The following ZNF600 variants were observed in gnomAD, a reference collection of about 807,000 sequenced individuals.
ZNF600 encodes the protein zinc finger protein 600.
ZNF600 carries 4 observed loss-of-function variants against 7.3 expected under a neutral mutation model. The observed-to-expected ratio is 0.55, with a 90% CI of 0.27 to 1.25. ZNF600 has a LOEUF of 1.25. Among genes scored for constraint, ZNF600 ranks in the 50% most tolerant of loss-of-function variants. The probability of loss-of-function intolerance (pLI) is 0.12; values close to 1 mark genes in which losing one functional copy is unlikely to be tolerated. For synonymous variants in ZNF600, 290 were observed against 308.9 expected, an observed-to-expected ratio of 0.94 and a Z score of 0.64; for missense variants, 911 against 922.1, an observed-to-expected ratio of 0.99 and a Z score of 0.16.
At chr19:52,793,024 C>T in the ZNF600 span, among the ~76,000 whole-genome samples, 1 of 152,030 alleles carries the variant, frequency 6.6e-6, no homozygotes, top group Non-Finnish European at 1.5e-5. Flanking sequence ...GCGTGAGCCA[C>T]TGCACCTGGC....
chr19:52,825,249 G>C, the ZNF600 span, among the ~76,000 whole-genome samples: 2 of 152,128 alleles, frequency 1.3e-5, no homozygotes, highest in African/African-American at 4.8e-5. Context: ...TGGTAACAGT[G>C]ACAAACTGGG....
At chr19:52,768,008 C>T (rs113000608) in intron 3 of ZNF600, among the ~76,000 whole-genome samples, 75 of 152,200 alleles carry the variant, frequency 4.9e-4, no homozygotes, top group African/African-American at 1.8e-3. Context: ...TGACAGGGCA[C>T]AAACGTGTAA....
At chr19:52,801,699 A>C in the ZNF600 span, 1 of 1,610,426 alleles carries the variant, frequency 6.2e-7, no homozygotes, top group South Asian at 1.1e-5. Flanking sequence ...TTTGGAAGAG[A>C]TATCTACAAA....
At chr19:52,784,875 C>T (rs2147583908) in intron 1 of ZNF600, among the ~76,000 whole-genome samples, 1 of 152,126 alleles carries the variant, frequency 6.6e-6, no homozygotes, top group South Asian at 2.1e-4. Flanking sequence ...TGCAGGTGCA[C>T]ACTATCACAC....
the ZNF600 span, among the ~76,000 whole-genome samples, chr19:52,802,799 C>T: frequency 3.5e-5 from 5 of 144,044 alleles, no homozygotes; most frequent in Admixed American, 7.1e-5. Context: ...CTTGCTCTGT[C>T]GCCCAGGCTG....
the ZNF600 span, among the ~76,000 whole-genome samples, chr19:52,825,028 C>T: frequency 2.6e-5 from 4 of 152,076 alleles, no homozygotes; most frequent in African/African-American, 9.7e-5. Context: ...GCCTGAAATG[C>T]AGAGGCTGCA....
chr19:52,810,838 AGTCCC>A, the ZNF600 span: 1,637 of 204,936 alleles, frequency 8.0e-3, 104 homozygotes, highest in African/African-American at 0.04. Flanking sequence ...TTAAAAAAAG[AGTCCC>A]TCTCCCTCTC....
At chr19:52,825,708 G>A in the ZNF600 span, among the ~76,000 whole-genome samples, 1 of 151,936 alleles carries the variant, frequency 6.6e-6, no homozygotes, top group Admixed American at 6.6e-5. Context: ...TCATTTGGCC[G>A]GGCACAGTGG....
chr19:52,777,213 C>G (rs1011995786), intron 2 of ZNF600, among the ~76,000 whole-genome samples: 32 of 151,244 alleles, frequency 2.1e-4, no homozygotes, highest in Middle Eastern at 3.2e-3. Context: ...CCCATCTCTA[C>G]TAAAAATACA....
At chr19:52,830,501 G>A in the ZNF600 span, among the ~76,000 whole-genome samples, 1 of 151,980 alleles carries the variant, frequency 6.6e-6, no homozygotes, top group Non-Finnish European at 1.5e-5. Flanking sequence ...AATACAAGGA[G>A]AACAGAAAGA....
exon 4 of ZNF600, chr19:52,766,924 C>G: frequency 6.2e-7 from 1 of 1,614,154 alleles, no homozygotes; most frequent in South Asian, 1.1e-5. Flanking sequence ...TTGTCACATT[C>G]ATTACACTTG....
rs369346316 is a variant in ZNF600 at position 52,767,786 on chromosome 19, A to C, written c.191-14T>G. The C allele has an allele frequency of 1.3e-6, 2 of 1,541,920 alleles. No individual in the cohort carries two copies. Among genetic ancestry groups the C allele is most frequent in the African/African-American group, 2.8e-5 (2 of 72,332 alleles). On this transcript the variant is annotated splice_polypyrimidine_tract_variant and intron_variant, in intron 3 of 3. Transcript: ENST00000648973. ...TGGAAGAGATATCTACAAAATATAA[A>C]CAACAATAGGTTTCCAATTAAGTAC...
At chr19:52,766,539 C>G (rs1303088906) in exon 4 of ZNF600, 23 of 1,613,918 alleles carry the variant, frequency 1.4e-5, no homozygotes, top group Non-Finnish European at 1.9e-5. Context: ...ACTATGAATT[C>G]TAGTATGTCT....
At chr19:52,802,422 G>A in the ZNF600 span, among the ~76,000 whole-genome samples, 187 of 151,872 alleles carry the variant, frequency 1.2e-3, no homozygotes, top group Non-Finnish European at 2.3e-3. Flanking sequence ...GCTCATGCCT[G>A]TAATCCCAGT....
chr19:52,781,982 C>CT (rs2062725744), intron 1 of ZNF600, among the ~76,000 whole-genome samples: 1 of 92,300 alleles, frequency 1.1e-5, no homozygotes, highest in African/African-American at 7.0e-5. Flanking sequence ...AATCGCTTGA[C>CT]CCCGGGAGGC....
chr19:52,765,529 T>C, exon 4 of ZNF600: 1 of 1,609,064 alleles, frequency 6.2e-7, no homozygotes, highest in Non-Finnish European at 8.5e-7. Flanking sequence ...TCATTATAGA[T>C]TCTCCAATGA....
chr19:52,781,933 T>A (rs912483848), intron 1 of ZNF600, among the ~76,000 whole-genome samples: 1 of 151,956 alleles, frequency 6.6e-6, no homozygotes, highest in Non-Finnish European at 1.5e-5. Flanking sequence ...TAGGGGTGTA[T>A]GCCTGTAATC....
chr19:52,800,573 T>A, the ZNF600 span: 1 of 1,613,672 alleles, frequency 6.2e-7, no homozygotes, highest in South Asian at 1.1e-5. Context: ...TTGCCAGGTA[T>A]GAATTATATG....
the ZNF600 span, chr19:52,807,965 A>G: frequency 6.2e-7 from 1 of 1,611,144 alleles, no homozygotes; most frequent in Non-Finnish European, 8.5e-7. Flanking sequence ...AAGAGAAAAT[A>G]CAAAGATACA....
Sources: allele counts gnomAD v4.1 joint callset (sites outside exome capture counted in the v4.1 genomes callset), GRCh38; gene constraint gnomAD v4.1.1; transcripts MANE v1.5; gene names NCBI Gene and HGNC (gene_info 2026-07-23, HGNC 2026-07-21).